The following LONRF2 variants were observed in gnomAD, a reference collection of about 807,000 sequenced individuals.
LONRF2 encodes the protein LON peptidase N-terminal domain and ring finger 2, also known as LON peptidase N-terminal domain and RING finger protein 2.
A neutral mutation model predicts 66.6 loss-of-function variants in LONRF2; 35 were observed. The observed-to-expected ratio is 0.53, with a 90% confidence interval of 0.40 to 0.70. The LOEUF is 0.70. Ranked by LOEUF, LONRF2 falls within the 30% of genes least tolerant of loss-of-function variation. The pLI, the probability that LONRF2 is intolerant of heterozygous loss-of-function variation, is 0.00. For missense variants in LONRF2, 902 were observed against 1,002.1 expected (o/e 0.90, Z 1.35); for synonymous variants, 417 against 418.1 (o/e 1.00, Z 0.03).
At position 100,321,716 on chromosome 2, in the gene LONRF2, G is replaced by A; in HGVS notation, c.378C>T (p.Gly126=). Reference sequence around the variant, plus strand: ...GGGGCTCCGGGGCCGGCCCTCCCTCGCCGGGCGCCTCGGGCTCGCCGCCCG... The same window carrying A: ...GGGGCTCCGGGGCCGGCCCTCCCTCACCGGGCGCCTCGGGCTCGCCGCCCG... ...ENPGGEPEAP[G]EGGPAPEPRA... is the part of the protein sequence containing the mutation. The change falls in exon 1 of 12, where the codon GGC becomes GGT. Residue 126 remains glycine (G), a synonymous_variant. Transcript: ENST00000393437. 2 of 1,168,292 alleles carry A rather than the reference G, an allele frequency of 1.7e-6. No homozygotes were observed. The highest frequency in any genetic ancestry group is 2.1e-6 in the Non-Finnish European group (2 of 949,506). 72.4% of individuals were successfully genotyped at this position (1,168,292 alleles called of 1,614,324 possible).
At chr2:100,308,937 T>C (rs11689439) in intron 2 of LONRF2, among the ~76,000 whole-genome samples, 170 bp downstream of exon 2, 67,989 of 152,018 alleles carry the variant, frequency 0.45, 15,964 homozygotes, top group East Asian at 0.71. Context: ...GATTTAGTCT[T>C]TTAAATTAGG....
intron 2 of LONRF2, among the ~76,000 whole-genome samples, chr2:100,307,593 G>T (rs1675323769): frequency 6.6e-6 from 1 of 152,134 alleles, no homozygotes; most frequent in South Asian, 2.1e-4. Flanking sequence ...GCAGGGGAGA[G>T]GAATTGGGGC....
chr2:100,296,835 G>C (rs371089545), intron 7 of LONRF2, among the ~76,000 whole-genome samples: 1 of 152,176 alleles, frequency 6.6e-6, no homozygotes, highest in South Asian at 2.1e-4. Flanking sequence ...CTAGCCAAGG[G>C]TTCTGGAGAT....
intron 10 of LONRF2, 23 bp from the exon 11 acceptor site, chr2:100,287,086 C>CT: frequency 6.2e-7 from 1 of 1,610,278 alleles, no homozygotes; most frequent in East Asian, 2.2e-5. Flanking sequence ...AGAGGCACAG[C>CT]TGTGTGAACC....
chr2:100,319,507 T>C (rs1208812929), intron 1 of LONRF2, among the ~76,000 whole-genome samples: 8 of 152,158 alleles, frequency 5.3e-5, no homozygotes, highest in Non-Finnish European at 1.2e-4. Flanking sequence ...ACAATCACTA[T>C]TCCCTTTTCA....
At position 100,295,551 on chromosome 2, in the gene LONRF2, T is replaced by C. The variant is rs1675048303; in HGVS notation, c.1479A>G (p.Leu493=). 1 of 1,612,250 alleles carries C rather than the reference T, an allele frequency of 6.2e-7. No homozygotes were observed. The highest frequency in any genetic ancestry group is 8.5e-7 in the Non-Finnish European group (1 of 1,179,474). ...TTATGTTAAAGTTTCTGCTTGCCAA[T>C]AACTGTAACAAAAAAAAGTCAAATG... ...CPLCKDKLSE[L]LASRNFNITV... The change falls in exon 8 of 12, where the codon TTA becomes TTG. Residue 493 remains leucine (L), a splice_region_variant and synonymous_variant. Coordinates refer to ENST00000393437, the MANE Select transcript of LONRF2 (RefSeq NM_198461.4).
chr2:100,272,830 A>G lies in LONRF2; in HGVS notation c.*11468T>C, dbSNP rs1159549675. On this transcript the variant is annotated 3_prime_UTR_variant, in exon 12 of 12. Coordinates refer to ENST00000393437, the MANE Select transcript of LONRF2 (RefSeq NM_198461.4). ...CTGCCTTGGATAGAAATGATTTTTA[A>G]AAGTAATTATGGTTTTAAGCCAAAG... is the stretch of plus-strand genomic sequence containing the variant. Among the ~76,000 whole-genome samples the G allele has an allele frequency of 6.6e-6, 1 of 152,218 alleles. No homozygotes were observed. Among genetic ancestry groups the G allele is most frequent in the African/African-American group, 2.4e-5 (1 of 41,444 alleles).
At position 100,283,195 on chromosome 2, in the gene LONRF2, T is replaced by TTTTTAACA. The variant is rs1674775501; in HGVS notation, c.*1102_*1103insTGTTAAAA. The TTTTTAACA allele has an allele frequency of 6.6e-6, 1 of 152,218 alleles. No homozygotes were observed. Among genetic ancestry groups the TTTTTAACA allele is most frequent in the African/African-American group, 2.4e-5 (1 of 41,452 alleles). The allele number at this position is 152,218 out of a possible 1,614,324, so 9.4% of individuals were successfully genotyped here. On this transcript the variant is annotated 3_prime_UTR_variant, in exon 12 of 12. Coordinates refer to ENST00000393437, the MANE Select transcript of LONRF2 (RefSeq NM_198461.4). Reference sequence around the variant, plus strand: ...GTCCTTTAACAGATAACACCTGGTCTGATCACCGTAAAACTTTCTTTCAAA... The same window carrying TTTTTAACA: ...GTCCTTTAACAGATAACACCTGGTCTTTTTAACAGATCACCGTAAAACTTTCTTTCAAA...
Position 100,322,088 on chromosome 2 carries a change from G to T in LONRF2, c.6C>A (p.Ser2Arg). ...GCGGCGGCGGCGGGACCGGCTCGGG[G>T]CTCATCACCGCGGGGCTGCGACGAC... MSPEPVPPPPPP... is the reference protein window; with the variant it reads MRPEPVPPPPPP... Residue 2 changes from serine (S) to arginine (R), a missense_variant, in exon 1 of 12, where the codon AGC becomes AGA. By Grantham distance (110) the Ser-to-Arg change is moderately radical (BLOSUM62 -1). Transcript: ENST00000393437. The T allele has an allele frequency of 3.9e-6, 5 of 1,273,186 alleles. No homozygotes were observed. Among genetic ancestry groups the T allele is most frequent in the Non-Finnish European group, 4.9e-6 (5 of 1,011,670 alleles). The allele number at this position is 1,273,186 out of a possible 1,614,324, so 78.9% of individuals were successfully genotyped here. A position where few individuals can be genotyped will look rare whatever the true frequency, so the allele number is the denominator to read the frequency against.
rs1559172179 is a variant in LONRF2, at chr2:100,277,881, T to G, written c.*6417A>C. 6.6e-6 allele frequency: 1 copy of G among 151,922 alleles called. No homozygotes were observed. The highest frequency in any genetic ancestry group is 1.5e-5 in the Non-Finnish European group (1 of 68,024). The allele number at this position is 151,922 out of a possible 1,614,324, so 9.4% of individuals were successfully genotyped here. A position where few individuals can be genotyped will look rare whatever the true frequency, so the allele number is the denominator to read the frequency against. On this transcript the variant is annotated 3_prime_UTR_variant, in exon 12 of 12. Coordinates refer to ENST00000393437, the MANE Select transcript of LONRF2 (RefSeq NM_198461.4). ...CCCAAATCCAAATCTAAATCACATCTCTCCACAGGTGCTACAGCTGGGATT... is the reference window on the plus strand; with the variant it reads ...CCCAAATCCAAATCTAAATCACATCGCTCCACAGGTGCTACAGCTGGGATT...
At chr2:100,300,025 G>T in intron 4 of LONRF2, 107 bp from the exon 5 acceptor site, 1 of 518,300 alleles carries the variant, frequency 1.9e-6, no homozygotes, top group Non-Finnish European at 3.3e-6. Flanking sequence ...AAAAAGGGGG[G>T]GGCATACACT....
intron 2 of LONRF2, among the ~76,000 whole-genome samples, chr2:100,308,488 G>T (rs192550391): frequency 6.6e-6 from 1 of 152,156 alleles, no homozygotes; most frequent in Admixed American, 6.5e-5. Context: ...TGCTATAGCT[G>T]TTAATTTCAA....
rs1334542171 is a variant in LONRF2, at chr2:100,277,577, A to T, written c.*6721T>A. 1 of 152,180 alleles carries T rather than the reference A, an allele frequency of 6.6e-6. No homozygotes were observed. The highest frequency in any genetic ancestry group is 1.5e-5 in the Non-Finnish European group (1 of 68,040). 9.4% of individuals were successfully genotyped at this position (152,180 alleles called of 1,614,324 possible). A position where few individuals can be genotyped will look rare whatever the true frequency, so the allele number is the denominator to read the frequency against. On this transcript the variant is annotated 3_prime_UTR_variant, in exon 12 of 12. Coordinates refer to ENST00000393437, the MANE Select transcript of LONRF2 (RefSeq NM_198461.4). ...CCCTTAGATTAACTGAGTGAACAGC[A>T]GTGGGAGTTCACAGAGGGTACAGAT...
In LONRF2 at chr2:100,290,497, C is replaced by T. The variant is rs1674938018; in HGVS notation, c.1758-77G>A. Reference sequence around the variant, plus strand: ...TTCTTTTTCCCTGGATGAGAGTTTACTTTTAAAAGGAATACAAAGCCACAC... The same window carrying T: ...TTCTTTTTCCCTGGATGAGAGTTTATTTTTAAAAGGAATACAAAGCCACAC... On this transcript the variant is annotated intron_variant, in intron 9 of 11. Transcript: ENST00000393437. 2.8e-6 allele frequency: 4 copies of T among 1,439,068 alleles called. No individual in the cohort carries two copies. In the African/African-American group the frequency reaches 4.3e-5, roughly 15 times the overall value. The allele number at this position is 1,439,068 out of a possible 1,614,324, so 89.1% of individuals were successfully genotyped here. A position where few individuals can be genotyped will look rare whatever the true frequency, so the allele number is the denominator to read the frequency against.
chr2:100,321,709 C>G lies in LONRF2; in HGVS notation c.385G>C (p.Gly129Arg). Residue 129 changes from glycine (G) to arginine (R), a missense_variant, in exon 1 of 12, where the codon GGG becomes CGG. Coordinates refer to ENST00000393437, the MANE Select transcript of LONRF2 (RefSeq NM_198461.4). ...GGEPEAPGEGGPAPEPRAPRD... is the reference protein window; with the variant it reads ...GGEPEAPGEGRPAPEPRAPRD... ...GGCGCGCGGGGCTCCGGGGCCGGCC[C>G]TCCCTCGCCGGGCGCCTCGGGCTCG... 8.5e-7 allele frequency: 1 copy of G among 1,183,408 alleles called. No individual in the cohort carries two copies. The highest frequency in any genetic ancestry group is 1.0e-6 in the Non-Finnish European group (1 of 959,358). 73.3% of individuals were successfully genotyped at this position (1,183,408 alleles called of 1,614,324 possible). A position where few individuals can be genotyped will look rare whatever the true frequency, so the allele number is the denominator to read the frequency against.
rs1674688838 is a variant in LONRF2, at chr2:100,280,303, G to A, written c.*3995C>T. On this transcript the variant is annotated 3_prime_UTR_variant, in exon 12 of 12. Transcript: ENST00000393437. ...TAGAGAGGGGGTGATGCTGGCAAAG[G>A]GGTTCGGTTATCTCCCTGTGTGGGC... 1 of 152,176 alleles carries A rather than the reference G, an allele frequency of 6.6e-6. No individual in the cohort carries two copies. Among genetic ancestry groups the A allele is most frequent in the South Asian group, 2.1e-4 (1 of 4,824 alleles). 9.4% of individuals were successfully genotyped at this position (152,176 alleles called of 1,614,324 possible).
chr2:100,294,637 G>A (rs1011037714), intron 8 of LONRF2, among the ~76,000 whole-genome samples: 7 of 152,056 alleles, frequency 4.6e-5, no homozygotes, highest in African/African-American at 1.7e-4. Flanking sequence ...TACTTTGCTT[G>A]GAAAAGTTAT....
Position 100,277,684 on chromosome 2 carries a change from G to A in LONRF2, c.*6614C>T, listed in dbSNP as rs904591607. On this transcript the variant is annotated 3_prime_UTR_variant, in exon 12 of 12. Transcript: ENST00000393437. ...TCTTTTAGCCAGCATGCCCTGATAC[G>A]AAACGGAACCCAAAAAACAACGCAT... 9.2e-5 allele frequency: 14 copies of A among 152,172 alleles called. No individual in the cohort carries two copies. Among genetic ancestry groups the A allele is most frequent in the Admixed American group, 1.3e-4 (2 of 15,282 alleles). 9.4% of individuals were successfully genotyped at this position (152,172 alleles called of 1,614,324 possible). A position where few individuals can be genotyped will look rare whatever the true frequency, so the allele number is the denominator to read the frequency against.
intron 8 of LONRF2, 103 bp downstream of exon 8, chr2:100,295,329 A>G (rs1675043198): frequency 1.8e-6 from 2 of 1,128,356 alleles, no homozygotes; most frequent in Non-Finnish European, 2.5e-6. Flanking sequence ...CCATTTACAG[A>G]CCAAGAGAGT....
Sources: allele counts gnomAD v4.1 joint callset (sites outside exome capture counted in the v4.1 genomes callset), GRCh38; gene constraint gnomAD v4.1.1; transcripts MANE v1.5; gene names NCBI Gene and HGNC (gene_info 2026-07-23, HGNC 2026-07-21).